Variants in MSI1 observed in about 807,000 individuals in gnomAD.
MSI1 encodes RNA-binding protein Musashi homolog 1.
In MSI1, 15 loss-of-function variants were observed where a neutral mutation model predicts 54.4. That is an observed-to-expected ratio of 0.28 (90% CI 0.18 to 0.42). The LOEUF is 0.42. Among genes scored for constraint, MSI1 ranks in the 20% least tolerant of loss-of-function variants. The probability of loss-of-function intolerance (pLI) is 1.00; values close to 1 mark genes in which losing one functional copy is unlikely to be tolerated. For missense variants in MSI1, 304 were observed against 506.0 expected (o/e 0.60, Z 3.83); for synonymous variants, 200 against 196.5 (o/e 1.02, Z -0.15).
intron 6 of MSI1, 126 bp from the exon 7 acceptor site, chr12:120,359,179 T>C: frequency 1.8e-6 from 2 of 1,123,606 alleles, no homozygotes; most frequent in South Asian, 1.4e-5. Context: ...ACCTGCTCCC[T>C]GCACAGGGGA....
intron 6 of MSI1, among the ~76,000 whole-genome samples, chr12:120,361,725 G>T (rs1875662385): frequency 6.6e-6 from 1 of 151,090 alleles, no homozygotes; most frequent in Non-Finnish European, 1.5e-5. Context: ...CGATCCGGGC[G>T]GGGGGCCCCC....
chr12:120,368,408 G>GC lies in MSI1; in HGVS notation c.101-136dup. The GC allele has an allele frequency of 1.2e-6, 1 of 844,578 alleles. No individual in the cohort carries two copies. Among genetic ancestry groups the GC allele is most frequent in the Non-Finnish European group, 1.7e-6 (1 of 593,530 alleles). The allele number at this position is 844,578 out of a possible 1,614,324, so 52.3% of individuals were successfully genotyped here. On this transcript the variant is annotated intron_variant, in intron 2 of 14. Transcript: ENST00000257552. The surrounding 1 kb of genome is among the most constrained non-coding windows in gnomAD (Gnocchi z 6.6). ...TGCCCGCGCGTTCTCCACTGCCGCC[G>GC]CCCCCCACCGCCCTCGCCCCGTTCC...
At chr12:120,362,653 G>T (rs541246807) in intron 6 of MSI1, among the ~76,000 whole-genome samples, 1 of 152,166 alleles carries the variant, frequency 6.6e-6, no homozygotes, top group Admixed American at 6.5e-5. Flanking sequence ...TATCATCCTC[G>T]CCTGGAAGGA....
rs554726205 is a variant in MSI1, at chr12:120,361,036, CTAT to C, written c.403-1986_403-1984del. Among the ~76,000 whole-genome samples the C allele has an allele frequency of 1.1e-4, 16 of 151,446 alleles. 1 individual carries two copies. In the East Asian group the frequency reaches 2.7e-3, roughly 26 times the overall value. The stretch of plus-strand genomic sequence containing the variant: ...ATAGTAAGTGCCTAATAAATAATAG[CTAT>C]TATTATTATCTTTACAAGGGAGGGA... On this transcript the variant is annotated intron_variant, in intron 6 of 14. Transcript: ENST00000257552.
At chr12:120,343,200 T>TTTC (rs144251924) in intron 14 of MSI1, 95 bp from the exon 15 acceptor site, 3 of 152,102 alleles carry the variant, frequency 2.0e-5, no homozygotes, top group African/African-American at 7.3e-5. Context: ...AACTACCTAC[T>TTTC]TTCTTCTTCT....
In MSI1 at chr12:120,349,072, G is replaced by A. The variant is rs1006754394; in HGVS notation, c.791-1558C>T. On this transcript the variant is annotated intron_variant, in intron 11 of 14. Transcript: ENST00000257552. ...TCTTATTTGCTTTGGGGATACTCAG[G>A]TAAGCCTTTCTTGTTTTACTTGATT... is the stretch of plus-strand genomic sequence containing the variant. 2.0e-5 allele frequency among the ~76,000 whole-genome samples: 3 copies of A among 150,478 alleles called. No homozygotes were observed. The Middle Eastern group carries it at 0.011, about 530-fold the overall frequency.
rs758459090 is a variant in MSI1, at chr12:120,345,559, C to G, written c.*21+11G>C. The G allele has an allele frequency of 7.4e-6, 12 of 1,613,352 alleles. No homozygotes were observed. Among genetic ancestry groups the G allele is most frequent in the Non-Finnish European group, 1.0e-5 (12 of 1,179,746 alleles). Reference sequence around the variant, plus strand: ...TGCCACCCCACCACCTGCCCACCCCCACATCCTCACCTCCTGCCACCGTCC... The same window carrying G: ...TGCCACCCCACCACCTGCCCACCCCGACATCCTCACCTCCTGCCACCGTCC... On this transcript the variant is annotated intron_variant, in intron 14 of 14. Coordinates refer to ENST00000257552, the MANE Select transcript of MSI1 (RefSeq NM_002442.4).
chr12:120,344,984 C>G (rs1294522321), intron 14 of MSI1, among the ~76,000 whole-genome samples: 2 of 152,040 alleles, frequency 1.3e-5, no homozygotes, highest in Admixed American at 1.3e-4. Flanking sequence ...CACTGCACTC[C>G]AGCCTGGGTG....
In MSI1 at chr12:120,341,953, CT is replaced by C; in HGVS notation, c.*1173del. On this transcript the variant is annotated 3_prime_UTR_variant, in exon 15 of 15. Transcript: ENST00000257552. ...CTCTCTTTTTCCTTAGAAGGGGGGT[CT>C]GGGGTGAGGGGCTGCCAAGGGACTC... 6.5e-6 allele frequency: 1 copy of C among 152,800 alleles called. No individual in the cohort carries two copies. Among genetic ancestry groups the C allele is most frequent in the Non-Finnish European group, 1.5e-5 (1 of 68,212 alleles). The allele number at this position is 152,800 out of a possible 1,614,324, so 9.5% of individuals were successfully genotyped here. A position where few individuals can be genotyped will look rare whatever the true frequency, so the allele number is the denominator to read the frequency against.
At chr12:120,339,749 C>T (rs1250429392), downstream of MSI1, among the ~76,000 whole-genome samples, 1 of 151,568 alleles carries the variant, frequency 6.6e-6, no homozygotes, top group Admixed American at 6.6e-5. Context: ...AAGTCGGCAC[C>T]GAGATGATTC....
At chr12:120,349,975 C>T (rs1267136406) in intron 11 of MSI1, among the ~76,000 whole-genome samples, 1 of 152,198 alleles carries the variant, frequency 6.6e-6, no homozygotes, top group Admixed American at 6.5e-5. Flanking sequence ...GAGATCAGGG[C>T]CTGCCTCTGT....
At chr12:120,339,834 A>G (rs906838709), downstream of MSI1, among the ~76,000 whole-genome samples, 8 of 150,794 alleles carry the variant, frequency 5.3e-5, no homozygotes, top group East Asian at 2.0e-4. Flanking sequence ...GCTGGAGTAC[A>G]GTGGTGCAAT....
chr12:120,356,981 C>G lies in MSI1; in HGVS notation c.573G>C (p.Ser191=). Reference sequence around the variant, plus strand: ...ACCTCCCCCGGGCTGAGCCCGTTGGCGACATCACCTCCTTTGGCTGAGCTT... The same window carrying G: ...ACCTCCCCCGGGCTGAGCCCGTTGGGGACATCACCTCCTTTGGCTGAGCTT... ...CKKAQPKEVM[S]PTGSARGRSR... Residue 191 remains serine, a synonymous_variant, in exon 9 of 15, where the codon TCG becomes TCC. Coordinates refer to ENST00000257552, the MANE Select transcript of MSI1 (RefSeq NM_002442.4). 6.2e-7 allele frequency: 1 copy of G among 1,614,244 alleles called. No individual in the cohort carries two copies. Among genetic ancestry groups the G allele is most frequent in the Non-Finnish European group, 8.5e-7 (1 of 1,180,052 alleles).
At chr12:120,363,261 G>C (rs1420424231) in intron 5 of MSI1, 126 bp from the exon 6 acceptor site, 6 of 555,686 alleles carry the variant, frequency 1.1e-5, no homozygotes, top group African/African-American at 4.8e-5. Flanking sequence ...CTCTTTAAAG[G>C]CCCCCCCCCC....
intron 6 of MSI1, among the ~76,000 whole-genome samples, chr12:120,359,614 TG>T (rs1370698325): frequency 6.6e-6 from 1 of 152,106 alleles, no homozygotes; most frequent in Admixed American, 6.5e-5. Flanking sequence ...TCCCACTGAC[TG>T]GGGGAAGGGA....
chr12:120,351,450 G>A (rs1341522635), intron 10 of MSI1, 50 bp from the exon 11 acceptor site: 2 of 1,575,566 alleles, frequency 1.3e-6, no homozygotes, highest in African/African-American at 1.4e-5. Context: ...AGGCCCCTTG[G>A]ACATGGCCCA....
At chr12:120,356,633 G>T (rs1288651935) in intron 9 of MSI1, among the ~76,000 whole-genome samples, 2 of 152,236 alleles carry the variant, frequency 1.3e-5, no homozygotes, top group Non-Finnish European at 2.9e-5. Flanking sequence ...ATGGAGGGAT[G>T]GATGGACGAG....
intron 6 of MSI1, among the ~76,000 whole-genome samples, chr12:120,359,443 T>C (rs1017378642): frequency 1.3e-5 from 2 of 152,086 alleles, no homozygotes; most frequent in East Asian, 1.9e-4. Flanking sequence ...AATGACAAGA[T>C]GGGGAAGCAA....
intron 11 of MSI1, among the ~76,000 whole-genome samples, chr12:120,349,206 C>G (rs1482302655): frequency 1.3e-5 from 2 of 151,750 alleles, no homozygotes; most frequent in Non-Finnish European, 2.9e-5. Flanking sequence ...AGTGATTCTC[C>G]TGGCTCAGCC....
Sources: gnomAD v4.1 joint callset for allele counts (sites outside exome capture counted in the v4.1 genomes callset) on GRCh38, gnomAD v4.1.1 for gene constraint, Gnocchi (gnomAD v3.1) non-coding constraint, MANE v1.5 for transcripts, NCBI Gene and HGNC (gene_info 2026-07-23, HGNC 2026-07-21) for gene names.